TIAM1: variants seen among roughly 807,000 people sequenced by gnomAD.
The protein encoded by TIAM1 is TIAM Rac1 associated GEF 1.
In TIAM1, 65 loss-of-function variants were observed where a neutral mutation model predicts 163.5. That is an observed-to-expected ratio of 0.40 (90% CI 0.33 to 0.49). TIAM1 has a LOEUF of 0.49. Ranked by LOEUF, TIAM1 falls within the 20% of genes least tolerant of loss-of-function variation. The pLI, the probability that TIAM1 is intolerant of heterozygous loss-of-function variation, is 0.77. For missense variants in TIAM1, 1,789 were observed against 2,044.7 expected, an observed-to-expected ratio of 0.87 and a Z score of 2.41; for synonymous variants, 833 against 810.1, an observed-to-expected ratio of 1.03 and a Z score of -0.48.
chr21:31,284,406 T>G (rs2073705938), intron 2 of TIAM1, among the ~76,000 whole-genome samples: 1 of 152,198 alleles, frequency 6.6e-6, no homozygotes, highest in Non-Finnish European at 1.5e-5. Context: ...TTGTAGAAGC[T>G]GCAACAGGCA....
At chr21:31,257,941 C>T (rs2072215125) in intron 4 of TIAM1, among the ~76,000 whole-genome samples, 1 of 148,156 alleles carries the variant, frequency 6.7e-6, no homozygotes, top group Admixed American at 6.7e-5. Flanking sequence ...CCTCCTTGCT[C>T]GAATGTGCTG....
At chr21:31,146,832 C>T (rs1260803222) in intron 20 of TIAM1, 63 bp downstream of exon 20, 61 of 1,375,678 alleles carry the variant, frequency 4.4e-5, no homozygotes, top group Non-Finnish European at 6.1e-5. Context: ...AAGCCCCCAA[C>T]CACTGTCAGC....
chr21:31,285,189 C>T (rs900774234), intron 2 of TIAM1, among the ~76,000 whole-genome samples: 14 of 152,018 alleles, frequency 9.2e-5, no homozygotes, highest in Admixed American at 6.5e-4. Context: ...CCAAGCCACC[C>T]CCCCAAGCCA....
chr21:31,314,043 A>T (rs1422619970), intron 2 of TIAM1, among the ~76,000 whole-genome samples: 2 of 152,248 alleles, frequency 1.3e-5, no homozygotes, highest in Non-Finnish European at 2.9e-5. Flanking sequence ...TGCTACTAAG[A>T]AGAACAATGT....
intron 2 of TIAM1, among the ~76,000 whole-genome samples, chr21:31,430,090 C>T (rs1027802878): frequency 6.6e-6 from 1 of 151,662 alleles, no homozygotes; most frequent in Non-Finnish European, 1.5e-5. Flanking sequence ...ACCTGTAATC[C>T]GGCTACTCCG....
intron 2 of TIAM1, among the ~76,000 whole-genome samples, chr21:31,371,207 C>T (rs2076591276): frequency 6.6e-6 from 1 of 152,094 alleles, no homozygotes; most frequent in Non-Finnish European, 1.5e-5. Flanking sequence ...AAAAGAAAAC[C>T]CCAGAGTTTC....
chr21:31,156,320 G>C (rs749777691), intron 16 of TIAM1, among the ~76,000 whole-genome samples: 2 of 152,114 alleles, frequency 1.3e-5, no homozygotes, highest in Non-Finnish European at 2.9e-5. Flanking sequence ...GAAGGTGTCA[G>C]TCACCTGTCA....
intron 2 of TIAM1, among the ~76,000 whole-genome samples, chr21:31,385,678 T>A (rs897638249): frequency 3.4e-5 from 5 of 148,812 alleles, no homozygotes; most frequent in Non-Finnish European, 1.5e-5. Context: ...AGTCTTGGCA[T>A]CAATTTGTGC....
chr21:31,470,019 T>TC (rs2045683886), intron 1 of TIAM1, among the ~76,000 whole-genome samples: 1 of 125,302 alleles, frequency 8.0e-6, no homozygotes, highest in Non-Finnish European at 1.7e-5. Context: ...TTTTTTTTTT[T>TC]CTGAGACACA....
intron 19 of TIAM1, among the ~76,000 whole-genome samples, chr21:31,149,013 G>A (rs1156336108): frequency 2.0e-5 from 3 of 149,628 alleles, no homozygotes; most frequent in Non-Finnish European, 4.4e-5. Context: ...AGCAGCAATT[G>A]TGGAAATCAG....
Position 31,129,585 on chromosome 21 carries a change from T to C in TIAM1, c.4045+628A>G, listed in dbSNP as rs563897688. On this transcript the variant is annotated intron_variant, in intron 25 of 27. Transcript: ENST00000541036. ...GTCCCAGGTACTTGGAAAAGATAGC[T>C]TGAGCCTAGAAATTTGAGGCTACAG... Among the ~76,000 whole-genome samples the C allele has an allele frequency of 7.9e-5, 12 of 152,302 alleles. No homozygotes were observed. In the South Asian group the frequency reaches 2.5e-3, roughly 32 times the overall value.
At chr21:31,391,460 A>C (rs933484222) in intron 2 of TIAM1, among the ~76,000 whole-genome samples, 3 of 152,122 alleles carry the variant, frequency 2.0e-5, no homozygotes, top group African/African-American at 7.2e-5. Flanking sequence ...CCCCGGCTCT[A>C]CTAAAAATAC....
At chr21:31,310,644 C>T (rs1258558922) in intron 2 of TIAM1, among the ~76,000 whole-genome samples, 1 of 152,170 alleles carries the variant, frequency 6.6e-6, no homozygotes, top group Non-Finnish European at 1.5e-5. Flanking sequence ...CCAGGTCACT[C>T]GCTGCCTTTC....
chr21:31,219,491 G>C (rs1030860966), intron 8 of TIAM1, among the ~76,000 whole-genome samples: 1 of 152,182 alleles, frequency 6.6e-6, no homozygotes, highest in Non-Finnish European at 1.5e-5. Flanking sequence ...GGTAACATGA[G>C]GGGCCTCCCC....
Position 31,201,439 on chromosome 21 carries a change from T to C in TIAM1, c.2493+1469A>G, listed in dbSNP as rs186544578. Among the ~76,000 whole-genome samples the C allele has an allele frequency of 1.9e-4, 29 of 152,312 alleles. 1 individual carries two copies. Among genetic ancestry groups the C allele is most frequent in the Non-Finnish European group, 5.9e-5 (4 of 68,014 alleles). ...AGTGTTACAAAAGCACACGCTCTCT[T>C]ACATTTCCTTAAAAGCCCTTAAAGG... On this transcript the variant is annotated intron_variant, in intron 12 of 27. Transcript: ENST00000541036.
At position 31,118,688 on chromosome 21, in the gene TIAM1, G is replaced by A. The variant is rs74737284; in HGVS notation, c.*1680C>T. The A allele has an allele frequency of 3.8e-3, 1,796 of 469,204 alleles. 23 individuals carry two copies. Among genetic ancestry groups the A allele is most frequent in the African/African-American group, 0.03 (1,525 of 50,010 alleles). The allele number at this position is 469,204 out of a possible 1,614,324, so 29.1% of individuals were successfully genotyped here. ...TTTTCCATCTGGACGCGATCGAACC[G>A]GAGATGATATGGAAAAATGCAGTGA... On this transcript the variant is annotated 3_prime_UTR_variant, in exon 28 of 28. Coordinates refer to ENST00000541036, the MANE Select transcript of TIAM1 (RefSeq NM_001353694.2).
At chr21:31,244,136 T>G (rs918116520) in intron 6 of TIAM1, among the ~76,000 whole-genome samples, 5 of 152,236 alleles carry the variant, frequency 3.3e-5, no homozygotes, top group Non-Finnish European at 5.9e-5. Flanking sequence ...TCACAGATTT[T>G]TAAAAAAGAA....
chr21:31,548,594 C>T (rs1026698198), intron 1 of TIAM1, among the ~76,000 whole-genome samples: 8 of 151,346 alleles, frequency 5.3e-5, no homozygotes, highest in African/African-American at 1.9e-4. Context: ...CTCAAACAAT[C>T]CTCCTGCCTC....
chr21:31,410,764 AAAG>A (rs960300083), intron 2 of TIAM1, among the ~76,000 whole-genome samples: 23 of 151,944 alleles, frequency 1.5e-4, no homozygotes, highest in African/African-American at 5.3e-4. Context: ...AGGGGAGAGA[AAAG>A]AGAGAGACCA....
Sources: gnomAD v4.1 joint callset for allele counts (sites outside exome capture counted in the v4.1 genomes callset) on GRCh38, gnomAD v4.1.1 for gene constraint, MANE v1.5 for transcripts, NCBI Gene and HGNC (gene_info 2026-07-23, HGNC 2026-07-21) for gene names.